RUFY1: variants seen among roughly 807,000 people sequenced by gnomAD.
RUFY1 encodes RUN and FYVE domain-containing protein 1.
Under a neutral mutation model 94.6 loss-of-function variants are expected in RUFY1, and 54 were observed. The ratio of observed to expected loss-of-function variants is 0.57; its 90% confidence interval spans 0.46 to 0.72. The LOEUF (loss-of-function observed/expected upper bound fraction) is 0.72. Among genes scored for constraint, RUFY1 ranks in the 30% least tolerant of loss-of-function variants. The probability of loss-of-function intolerance (pLI) is 0.00; values close to 1 mark genes in which losing one functional copy is unlikely to be tolerated. For synonymous variants in RUFY1, 396 were observed against 347.3 expected (o/e 1.14, Z -1.56); for missense variants, 883 against 883.9 (o/e 1.00, Z 0.01).
chr5:179,591,797 G>T, intron 10 of RUFY1, 56 bp downstream of exon 10: 1 of 1,002,690 alleles, frequency 1.0e-6, no homozygotes, highest in South Asian at 1.6e-5. Flanking sequence ...TGTTAATTCT[G>T]TCAACACTTT....
chr5:179,552,246 T>TGG (rs1456002552), intron 1 of RUFY1, among the ~76,000 whole-genome samples: 2 of 150,432 alleles, frequency 1.3e-5, no homozygotes, highest in East Asian at 4.0e-4. Flanking sequence ...GTGTGGCCAG[T>TGG]GGCTACTGTA....
chr5:179,598,708 G>T lies in RUFY1; in HGVS notation c.1648G>T (p.Glu550Ter). 6.2e-7 allele frequency: 1 copy of T among 1,614,176 alleles called. No homozygotes were observed. Among genetic ancestry groups the T allele is most frequent in the Non-Finnish European group, 8.5e-7 (1 of 1,180,030 alleles). ...LHEQCSSLEK[E>*]LKSEKEQRQA... ...GGAAAACAGCTCAAGCCTGGAGAAAGAATTGAAATCAGAAAAAGAGCAAAG... is the reference window on the plus strand; with the variant it reads ...GGAAAACAGCTCAAGCCTGGAGAAATAATTGAAATCAGAAAAAGAGCAAAG... Residue 550 changes from glutamate (E) to a stop codon, truncating the protein, a stop_gained, in exon 14 of 18, where the codon GAA (glutamate) becomes TAA (stop). Coordinates refer to ENST00000319449, the MANE Select transcript of RUFY1 (RefSeq NM_025158.5). LOFTEE classifies it high-confidence loss of function.
intron 1 of RUFY1, among the ~76,000 whole-genome samples, chr5:179,555,498 G>GGAT (rs1031219104): frequency 6.6e-6 from 1 of 152,020 alleles, no homozygotes; most frequent in African/African-American, 2.4e-5. Context: ...CCATAGTAGG[G>GGAT]GATGCATGAG....
intron 7 of RUFY1, among the ~76,000 whole-genome samples, chr5:179,581,766 G>A (rs1216985048): frequency 1.3e-5 from 2 of 150,558 alleles, no homozygotes; most frequent in African/African-American, 2.4e-5. Flanking sequence ...CTGTAGCCTC[G>A]AATTCCCAGG....
At chr5:179,573,863 G>C (rs574412811) in intron 5 of RUFY1, among the ~76,000 whole-genome samples, 1 of 152,218 alleles carries the variant, frequency 6.6e-6, no homozygotes, top group Admixed American at 6.5e-5. Context: ...AATGTTGTCA[G>C]ATACTTTTTT....
chr5:179,560,734 AAAAAAAAAAGAAAAAAG>A (rs1373982763), intron 2 of RUFY1, among the ~76,000 whole-genome samples: 2 of 150,690 alleles, frequency 1.3e-5, no homozygotes, highest in African/African-American at 4.9e-5. Context: ...TCAAAAAAAA[AAAAAAAAAAGAAAAAAG>A]AAAAAAAAGT....
intron 7 of RUFY1, among the ~76,000 whole-genome samples, chr5:179,583,317 G>C (rs1764310085): frequency 6.6e-6 from 1 of 151,286 alleles, no homozygotes; most frequent in Non-Finnish European, 1.5e-5. Context: ...AATTTATGAA[G>C]CTGAAAGCAT....
At chr5:179,585,915 T>G in intron 8 of RUFY1, 50 bp downstream of exon 8, 7 of 1,425,848 alleles carry the variant, frequency 4.9e-6, no homozygotes, top group Non-Finnish European at 6.9e-6. Context: ...GACCCAAGGT[T>G]AAGAGAATCT....
At chr5:179,598,870 A>G (rs1253955103) in intron 14 of RUFY1, 49 bp downstream of exon 14, 3 of 1,608,384 alleles carry the variant, frequency 1.9e-6, no homozygotes, top group Non-Finnish European at 2.5e-6. Context: ...GCCTCCAGAA[A>G]CCCCTAACAT....
At chr5:179,605,989 G>GT in intron 16 of RUFY1, 65 bp downstream of exon 16, 3 of 1,073,456 alleles carry the variant, frequency 2.8e-6, no homozygotes. Flanking sequence ...GTGCTCGTAC[G>GT]TTTAAGTATC....
intron 1 of RUFY1, among the ~76,000 whole-genome samples, chr5:179,559,114 G>T (rs538726960): frequency 6.6e-6 from 1 of 152,266 alleles, no homozygotes; most frequent in South Asian, 2.1e-4. Context: ...GCGCGCGCGC[G>T]CCCGGGTGAG....
intron 3 of RUFY1, among the ~76,000 whole-genome samples, chr5:179,564,725 T>TA (rs1331723639): frequency 4.6e-5 from 7 of 152,016 alleles, no homozygotes; most frequent in African/African-American, 1.7e-4. Flanking sequence ...CAATTCCCCT[T>TA]ACATACATTT....
At chr5:179,560,981 C>T (rs915145594) in intron 2 of RUFY1, among the ~76,000 whole-genome samples, 3 of 152,054 alleles carry the variant, frequency 2.0e-5, no homozygotes, top group Admixed American at 6.6e-5. Flanking sequence ...GAGGCCGAGA[C>T]GGAAGGATCG....
At chr5:179,571,270 AG>A (rs1347428974) in intron 5 of RUFY1, among the ~76,000 whole-genome samples, 1 of 152,146 alleles carries the variant, frequency 6.6e-6, no homozygotes, top group Non-Finnish European at 1.5e-5. Context: ...CCAAGGTAGG[AG>A]GATCACTGGA....
At chr5:179,567,422 T>C (rs770889707) in intron 3 of RUFY1, 39 bp from the exon 4 acceptor site, 1 of 1,478,000 alleles carries the variant, frequency 6.8e-7, no homozygotes, top group South Asian at 1.1e-5. Flanking sequence ...TGTTTGTTGT[T>C]GTTATGCCAC....
At position 179,607,628 on chromosome 5, in the gene RUFY1, G is replaced by T; in HGVS notation, c.1952G>T (p.Cys651Phe). The change falls in exon 17 of 18, where the codon TGT becomes TTT. Residue 651 changes from cysteine (C) to phenylalanine (F), a missense_variant. Coordinates refer to ENST00000319449, the MANE Select transcript of RUFY1 (RefSeq NM_025158.5). ...GACGAAGCGACACACTGTAGGCAGT[G>T]TGAGAAGGAGTTCTCCATTTCCCGG... ...KDDEATHCRQ[C>F]EKEFSISRRK... 6.2e-7 allele frequency: 1 copy of T among 1,614,236 alleles called. No homozygotes were observed.
intron 5 of RUFY1, among the ~76,000 whole-genome samples, chr5:179,576,110 C>T (rs777830990): frequency 2.6e-5 from 4 of 152,058 alleles, no homozygotes; most frequent in African/African-American, 2.4e-5. Context: ...GTATCTACTG[C>T]GTTCTTTGTT....
At chr5:179,606,190 C>T (rs1767064231) in intron 16 of RUFY1, 1 of 535,222 alleles carries the variant, frequency 1.9e-6, no homozygotes, top group East Asian at 3.3e-5. Context: ...ATGGGCATTC[C>T]CTAAGGGGGA....
At chr5:179,591,532 A>AT (rs1765104557) in intron 9 of RUFY1, 93 bp from the exon 10 acceptor site, 1 of 826,220 alleles carries the variant, frequency 1.2e-6, no homozygotes. Flanking sequence ...ATTACCTTAC[A>AT]TTTTTTAAAA....
Sources: allele counts gnomAD v4.1 joint callset (sites outside exome capture counted in the v4.1 genomes callset), GRCh38; gene constraint gnomAD v4.1.1; transcripts MANE v1.5; gene names NCBI Gene and HGNC (gene_info 2026-07-23, HGNC 2026-07-21).